Variants in RLF observed in about 807,000 individuals in gnomAD.
RLF encodes zinc finger protein Rlf.
A neutral mutation model predicts 162.9 loss-of-function variants in RLF; 7 were observed. The ratio of observed to expected loss-of-function variants is 0.04; its 90% CI spans 0.02 to 0.08. The LOEUF is 0.08. RLF is among the 10% of genes least tolerant of loss of function. The probability of loss-of-function intolerance (pLI) is 1.00; values close to 1 mark genes in which losing one functional copy is unlikely to be tolerated. For missense variants in RLF, 1,664 were observed against 2,244.7 expected (o/e 0.74, Z 5.23); for synonymous variants, 782 against 791.5 (o/e 0.99, Z 0.20).
rs371379887 is a variant in RLF at position 40,239,767 on chromosome 1, G to C, written c.5065G>C (p.Val1689Leu). 9 of 1,614,192 alleles carry C rather than the reference G, an allele frequency of 5.6e-6. No individual in the cohort carries two copies. The East Asian group carries it at 1.3e-4, about 24-fold the overall frequency. Residue 1689 changes from valine (V) to leucine (L), a missense_variant, in exon 8 of 8, where the codon GTT becomes CTT. By Grantham distance (32) the Val-to-Leu change is conservative. Transcript: ENST00000372771. ...CACTTCCCTAGAACAGTGTAATATA[G>C]TTCAGCCTCCTCCTCCTTGTAAAAT... ...KTTSLEQCNI[V>L]QPPPPCKIEN...
Position 40,195,808 on chromosome 1 carries a change from C to A in RLF, c.607+44C>A, listed in dbSNP as rs61780457. 0.013 allele frequency: 19,695 copies of A among 1,558,980 alleles called. 1,265 individuals carry two copies. The African/African-American group carries it at 0.17, about 14-fold the overall frequency. On this transcript the variant is annotated intron_variant, in intron 4 of 7. Transcript: ENST00000372771. ...TTGGATGAGGATTTAGTTCTGAGAA[C>A]GTTGGAATTGATTATGGGTTAAAAT... is the stretch of plus-strand genomic sequence containing the variant.
chr1:40,227,775 C>T lies in RLF; in HGVS notation c.948-3742C>T, dbSNP rs941667642. 1.1e-4 allele frequency among the ~76,000 whole-genome samples: 16 copies of T among 152,064 alleles called. 1 individual carries two copies. The highest frequency in any genetic ancestry group is 3.9e-4 in the Admixed American group (6 of 15,270). ...ATCCCAGCAGTTTGGGAGGCCAGGG[C>T]AGGTGGATCATGAGTTCCGGAGTTC... On this transcript the variant is annotated intron_variant, in intron 6 of 7. Coordinates refer to ENST00000372771, the MANE Select transcript of RLF (RefSeq NM_012421.4).
chr1:40,224,711 C>T (rs1397187568), intron 6 of RLF, among the ~76,000 whole-genome samples: 1 of 125,048 alleles, frequency 8.0e-6, no homozygotes, highest in African/African-American at 3.1e-5. Context: ...GAATTTTGGC[C>T]AGGCATGGCT....
intron 1 of RLF, among the ~76,000 whole-genome samples, chr1:40,175,784 C>CA (rs767336748): frequency 0.23 from 21,302 of 91,574 alleles, 2,272 homozygotes; most frequent in Admixed American, 0.32. Flanking sequence ...GACTCCATCT[C>CA]AAAAAAAAAA....
intron 1 of RLF, 41 bp from the exon 2 acceptor site, chr1:40,189,014 A>T: frequency 7.3e-7 from 1 of 1,363,122 alleles, no homozygotes; most frequent in South Asian, 1.4e-5. Flanking sequence ...AATCTGTTTC[A>T]TTATTTTTAT....
At chr1:40,196,263 G>A (rs56135304) in intron 4 of RLF, among the ~76,000 whole-genome samples, 7,314 of 151,712 alleles carry the variant, frequency 0.048, 574 homozygotes, top group African/African-American at 0.17. Flanking sequence ...TAGTAGAGAC[G>A]AGGCGTTACC....
At position 40,236,850 on chromosome 1, in the gene RLF, T is replaced by C; in HGVS notation, c.2148T>C (p.Cys716=). Residue 716 remains cysteine, a synonymous_variant, in exon 8 of 8, where the codon TGT becomes TGC. Coordinates refer to ENST00000372771, the MANE Select transcript of RLF (RefSeq NM_012421.4). This position sits in a 1 kb window ranked among gnomAD's most constrained non-coding sequence, Gnocchi z 7.7. ...YLDMKNRREK[C]TYCRRHFMSA... is the part of the protein sequence containing the mutation. ...ATATGAAAAATAGAAGAGAGAAGTG[T>C]ACTTACTGTCGACGACATTTTATGT... The C allele has an allele frequency of 6.2e-7, 1 of 1,614,102 alleles. No homozygotes were observed. Among genetic ancestry groups the C allele is most frequent in the Non-Finnish European group, 8.5e-7 (1 of 1,179,994 alleles).
At chr1:40,189,442 G>A (rs1463524402) in intron 2 of RLF, among the ~76,000 whole-genome samples, 1 of 151,994 alleles carries the variant, frequency 6.6e-6, no homozygotes, top group East Asian at 1.9e-4. Context: ...ATTCAGGCTT[G>A]GAATCTGAGA....
chr1:40,169,545 G>A (rs1176781444), intron 1 of RLF, among the ~76,000 whole-genome samples: 6 of 149,104 alleles, frequency 4.0e-5, no homozygotes, highest in African/African-American at 7.4e-5. Context: ...GAACCCGGGA[G>A]GCGGAGCTTG....
chr1:40,162,378 G>A (rs1278830412), intron 1 of RLF, among the ~76,000 whole-genome samples: 1 of 151,832 alleles, frequency 6.6e-6, no homozygotes, highest in African/African-American at 2.4e-5. Context: ...CATATTTATG[G>A]GTGTGTTTAG....
chr1:40,201,518 C>T (rs1442563959), intron 4 of RLF, among the ~76,000 whole-genome samples: 4 of 149,838 alleles, frequency 2.7e-5, no homozygotes, highest in Non-Finnish European at 5.9e-5. Context: ...CCCAGCTACT[C>T]GGGAGGCTGA....
intron 2 of RLF, among the ~76,000 whole-genome samples, chr1:40,189,868 A>G (rs1642533357): frequency 6.6e-6 from 1 of 152,202 alleles, no homozygotes; most frequent in Non-Finnish European, 1.5e-5. Flanking sequence ...AGCAGACAAA[A>G]TTACACCTTT....
At chr1:40,208,679 G>C (rs959865409) in intron 5 of RLF, among the ~76,000 whole-genome samples, 12 of 119,634 alleles carry the variant, frequency 1.0e-4, no homozygotes, top group African/African-American at 5.1e-4. Flanking sequence ...TTAGCTGGGC[G>C]TGGTGGCATG....
chr1:40,182,779 A>G (rs1642423327), intron 1 of RLF, among the ~76,000 whole-genome samples: 1 of 152,090 alleles, frequency 6.6e-6, no homozygotes, highest in Non-Finnish European at 1.5e-5. Flanking sequence ...ATAGATAGAT[A>G]GATAGATAGA....
chr1:40,219,332 G>A (rs1432723811), intron 5 of RLF, among the ~76,000 whole-genome samples: 1 of 152,006 alleles, frequency 6.6e-6, no homozygotes, highest in Non-Finnish European at 1.5e-5. Flanking sequence ...GTCATGTGAA[G>A]ATCCTAAAAC....
intron 5 of RLF, among the ~76,000 whole-genome samples, chr1:40,211,375 T>C (rs1409392301): frequency 6.6e-6 from 1 of 152,228 alleles, no homozygotes; most frequent in Middle Eastern, 3.2e-3. Context: ...CAGCCTTCTT[T>C]CCACTCTACC....
At chr1:40,188,961 A>G (rs1324491323) in intron 1 of RLF, 94 bp from the exon 2 acceptor site, 3 of 773,810 alleles carry the variant, frequency 3.9e-6, no homozygotes, top group East Asian at 2.9e-5. Context: ...CATCTGTTAG[A>G]AAAAAAATGG....
chr1:40,167,138 T>C lies in RLF; in HGVS notation c.237+5502T>C, dbSNP rs12028797. Among the ~76,000 whole-genome samples, 1,169 of 152,216 alleles carry C rather than the reference T, an allele frequency of 7.7e-3. 43 individuals carry two copies. The highest frequency in any genetic ancestry group is 0.051 in the East Asian group (262 of 5,182). ...TACACGTGTGCAGTGAGGAATAGCATTGATGGAGAGAGAAAATGAGAGGCC... is the reference window on the plus strand; with the variant it reads ...TACACGTGTGCAGTGAGGAATAGCACTGATGGAGAGAGAAAATGAGAGGCC... On this transcript the variant is annotated intron_variant, in intron 1 of 7. Transcript: ENST00000372771.
At chr1:40,179,940 G>A (rs546622414) in intron 1 of RLF, among the ~76,000 whole-genome samples, 2 of 152,196 alleles carry the variant, frequency 1.3e-5, no homozygotes, top group African/African-American at 4.8e-5. Context: ...TCCCCTTTAA[G>A]ACTGAATAAT....
Sources: gnomAD v4.1 joint callset for allele counts (sites outside exome capture counted in the v4.1 genomes callset) on GRCh38, gnomAD v4.1.1 for gene constraint, Gnocchi (gnomAD v3.1) non-coding constraint, MANE v1.5 for transcripts, NCBI Gene and HGNC (gene_info 2026-07-23, HGNC 2026-07-21) for gene names.